The following DOK6 variants were observed in gnomAD, a reference collection of about 807,000 sequenced individuals.
The protein encoded by DOK6 is docking protein 6.
Under a neutral mutation model 44.0 loss-of-function variants are expected in DOK6, and 22 were observed. That is an observed-to-expected ratio of 0.50 (90% CI 0.36 to 0.71). DOK6 has a LOEUF of 0.71. Ranked by LOEUF, DOK6 falls within the 30% of genes least tolerant of loss-of-function variation. The probability of loss-of-function intolerance (pLI) is 0.00; values close to 1 mark genes in which losing one functional copy is unlikely to be tolerated. For missense variants in DOK6, 340 were observed against 416.4 expected, an observed-to-expected ratio of 0.82 and a Z score of 1.60; for synonymous variants, 166 against 145.5, an observed-to-expected ratio of 1.14 and a Z score of -1.01.
intron 7 of DOK6, among the ~76,000 whole-genome samples, chr18:69,828,884 G>GTATA (rs74175393): frequency 0.027 from 2,450 of 90,184 alleles, 346 homozygotes; most frequent in East Asian, 0.15. Flanking sequence ...ACATTTATGT[G>GTATA]TATATATATA....
At chr18:69,502,019 C>T (rs1157974406) in intron 1 of DOK6, among the ~76,000 whole-genome samples, 1 of 151,996 alleles carries the variant, frequency 6.6e-6, no homozygotes, top group South Asian at 2.1e-4. Context: ...GCCAGGAGAG[C>T]TATTATTTCA....
At chr18:69,491,448 A>G (rs565206929) in intron 1 of DOK6, among the ~76,000 whole-genome samples, 1 of 152,330 alleles carries the variant, frequency 6.6e-6, no homozygotes, top group South Asian at 2.1e-4. Context: ...TTTATGCATC[A>G]TTGTATTCCT....
intron 7 of DOK6, among the ~76,000 whole-genome samples, chr18:69,822,512 C>T (rs1981603924): frequency 6.6e-6 from 1 of 152,186 alleles, no homozygotes; most frequent in Admixed American, 6.5e-5. Flanking sequence ...AGGAGGGAAA[C>T]TACAAGTTTG....
At chr18:69,606,892 C>G (rs535483723) in intron 3 of DOK6, among the ~76,000 whole-genome samples, 1 of 151,292 alleles carries the variant, frequency 6.6e-6, no homozygotes, top group Non-Finnish European at 1.5e-5. Context: ...CCTACCTCAA[C>G]AAGGAAATTT....
intron 1 of DOK6, among the ~76,000 whole-genome samples, chr18:69,501,976 G>A (rs570702225): frequency 3.9e-5 from 6 of 152,062 alleles, no homozygotes; most frequent in African/African-American, 1.4e-4. Context: ...TGTAACAGTG[G>A]AATAATATTT....
rs113079927 is a variant in DOK6, at chr18:69,406,488, T to C, written c.66+5178T>C. On this transcript the variant is annotated intron_variant, in intron 1 of 7. Transcript: ENST00000382713. The stretch of plus-strand genomic sequence containing the variant: ...ATGCCTATGTAAGACCTGGGAGAGG[T>C]GGGTAAATCAGAGAGAGTTATCAAG... Among the ~76,000 whole-genome samples the C allele has an allele frequency of 8.9e-3, 1,354 of 152,302 alleles. 20 individuals are homozygous for C. Among genetic ancestry groups the C allele is most frequent in the African/African-American group, 0.03 (1,268 of 41,580 alleles).
chr18:69,748,630 T>C (rs1225424405), intron 6 of DOK6, among the ~76,000 whole-genome samples: 1 of 152,112 alleles, frequency 6.6e-6, no homozygotes, highest in African/African-American at 2.4e-5. Context: ...TCTGGGTAAA[T>C]AATGAAATTA....
chr18:69,599,965 T>C (rs1983834812), intron 3 of DOK6, among the ~76,000 whole-genome samples: 1 of 152,226 alleles, frequency 6.6e-6, no homozygotes, highest in Non-Finnish European at 1.5e-5. Context: ...ACATTTCAGA[T>C]TGAATTTTAG....
In DOK6 at chr18:69,843,332, C is replaced by G. The variant is rs1220840310; in HGVS notation, c.*1949C>G. 6.6e-6 allele frequency: 1 copy of G among 152,244 alleles called. No individual in the cohort carries two copies. The highest frequency in any genetic ancestry group is 2.4e-5 in the African/African-American group (1 of 41,462). The allele number at this position is 152,244 out of a possible 1,614,324, so 9.4% of individuals were successfully genotyped here. On this transcript the variant is annotated 3_prime_UTR_variant, in exon 8 of 8. Transcript: ENST00000382713. ...TTTGGGGTTAAACACTTGTGAATTT[C>G]TTTTGCACATGGCATTTGCTTTTGA...
At chr18:69,417,147 C>G (rs781455047) in intron 1 of DOK6, among the ~76,000 whole-genome samples, 1 of 152,026 alleles carries the variant, frequency 6.6e-6, no homozygotes, top group Non-Finnish European at 1.5e-5. Context: ...TATAGTCACC[C>G]TATTGAACTA....
intron 5 of DOK6, among the ~76,000 whole-genome samples, chr18:69,723,627 G>GCA (rs1246962686): frequency 1.3e-5 from 2 of 152,186 alleles, no homozygotes; most frequent in Non-Finnish European, 2.9e-5. Context: ...GAAAATATTT[G>GCA]CAAAGGAGCA....
At chr18:69,573,250 C>T (rs1242116429) in intron 2 of DOK6, among the ~76,000 whole-genome samples, 2 of 151,596 alleles carry the variant, frequency 1.3e-5, no homozygotes, top group East Asian at 3.9e-4. Flanking sequence ...TGATTTTTCC[C>T]TCCAATGTGT....
At position 69,659,884 on chromosome 18, in the gene DOK6, T is replaced by A. The variant is rs1175121947; in HGVS notation, c.290-17850T>A. 29 of 113,620 alleles carry A rather than the reference T, an allele frequency of 2.6e-4. 3 individuals are homozygous for A. The East Asian group carries it at 8.6e-3, about 34-fold the overall frequency. 7.0% of individuals were successfully genotyped at this position (113,620 alleles called of 1,614,324 possible). A position where few individuals can be genotyped will look rare whatever the true frequency, so the allele number is the denominator to read the frequency against. Reference sequence around the variant, plus strand: ...TATATATAAAACATATATGTATGTTTTATATATATAACATATATGTATGTT... The same window carrying A: ...TATATATAAAACATATATGTATGTTATATATATATAACATATATGTATGTT... On this transcript the variant is annotated intron_variant, in intron 3 of 7. Transcript: ENST00000382713.
intron 2 of DOK6, among the ~76,000 whole-genome samples, chr18:69,583,975 G>A (rs566173281): frequency 6.6e-6 from 1 of 151,568 alleles, no homozygotes; most frequent in African/African-American, 2.4e-5. Flanking sequence ...AGGCGTGGTG[G>A]CGGGCGCCTG....
At chr18:69,547,053 G>C (rs1982425872) in intron 1 of DOK6, among the ~76,000 whole-genome samples, 1 of 151,414 alleles carries the variant, frequency 6.6e-6, no homozygotes, top group African/African-American at 2.4e-5. Flanking sequence ...GAAAAAGCAG[G>C]AACAAGAGAG....
rs764671949 is a variant in DOK6, at chr18:69,841,389, A to C, written c.*6A>C. 7 of 1,614,032 alleles carry C rather than the reference A, an allele frequency of 4.3e-6. No homozygotes were observed. Among genetic ancestry groups the C allele is most frequent in the Non-Finnish European group, 5.9e-6 (7 of 1,180,006 alleles). ...GCTCCAGCCTCATCCAATGACACAC[A>C]GAGAGCCGCTGTTGACTAGAGAGAC... On this transcript the variant is annotated 3_prime_UTR_variant, in exon 8 of 8. Coordinates refer to ENST00000382713, the MANE Select transcript of DOK6 (RefSeq NM_152721.6).
chr18:69,768,070 A>T (rs1014783313), intron 7 of DOK6, among the ~76,000 whole-genome samples: 1 of 152,102 alleles, frequency 6.6e-6, no homozygotes, highest in Non-Finnish European at 1.5e-5. Context: ...CCCCTACTGA[A>T]TTTTTTAAAT....
intron 6 of DOK6, among the ~76,000 whole-genome samples, chr18:69,751,953 A>C (rs569989355): frequency 2.0e-5 from 3 of 152,340 alleles, no homozygotes; most frequent in Non-Finnish European, 4.4e-5. Context: ...TAATTTTAGG[A>C]GAGAATACCT....
At chr18:69,429,632 T>TATATATATATATATA (rs1978745356) in intron 1 of DOK6, among the ~76,000 whole-genome samples, 1 of 26,088 alleles carries the variant, frequency 3.8e-5, no homozygotes, top group Non-Finnish European at 7.3e-5. Context: ...TATATATATA[T>TATATATATATATATA]ATATATATAT....
Sources: gnomAD v4.1 joint callset for allele counts (sites outside exome capture counted in the v4.1 genomes callset) on GRCh38, gnomAD v4.1.1 for gene constraint, MANE v1.5 for transcripts, NCBI Gene and HGNC (gene_info 2026-07-23, HGNC 2026-07-21) for gene names.